Variants in CEP128 observed in about 807,000 individuals in gnomAD.
The protein encoded by CEP128 is centrosomal protein 128kDa.
In CEP128, 132 loss-of-function variants were observed where a neutral mutation model predicts 156.7. The observed-to-expected ratio is 0.84, with a 90% CI of 0.73 to 0.97. The LOEUF (loss-of-function observed/expected upper bound fraction) is 0.97, where lower values mean the gene tolerates loss of function less well. Among genes scored for constraint, CEP128 ranks in the 50% least tolerant of loss-of-function variants. The probability of loss-of-function intolerance (pLI) is 0.00; values close to 1 mark genes in which losing one functional copy is unlikely to be tolerated. For missense variants in CEP128, 1,252 were observed against 1,281.9 expected (o/e 0.98, Z 0.36); for synonymous variants, 469 against 448.9 (o/e 1.04, Z -0.57).
At chr14:80,816,269 T>A (rs561010618) in intron 13 of CEP128, among the ~76,000 whole-genome samples, 2 of 141,198 alleles carry the variant, frequency 1.4e-5, no homozygotes, top group Admixed American at 1.3e-4. Context: ...CACAGTTTCC[T>A]CTCACCCTTG....
At chr14:80,811,848 G>GATAGATA (rs1555350886) in intron 13 of CEP128, among the ~76,000 whole-genome samples, 2 of 18,814 alleles carry the variant, frequency 1.1e-4, no homozygotes, top group Non-Finnish European at 1.1e-4. Context: ...ATAGATAGAT[G>GATAGATA]ATAACAGTCC....
chr14:80,938,176 C>T (rs553518025), intron 2 of CEP128, among the ~76,000 whole-genome samples: 2 of 151,850 alleles, frequency 1.3e-5, no homozygotes, highest in African/African-American at 4.8e-5. Context: ...GGATTACAGG[C>T]ATGAGTCAAT....
At chr14:80,868,403 G>A (rs866480004) in intron 8 of CEP128, among the ~76,000 whole-genome samples, 2 of 152,092 alleles carry the variant, frequency 1.3e-5, no homozygotes, top group Non-Finnish European at 2.9e-5. Context: ...TGTAGACTCT[G>A]TATGCAGTCA....
intron 21 of CEP128, among the ~76,000 whole-genome samples, chr14:80,548,891 C>T (rs1890098354): frequency 6.6e-6 from 1 of 152,140 alleles, no homozygotes; most frequent in South Asian, 2.1e-4. Context: ...TTTGACAGGG[C>T]TGTAGAAAAC....
chr14:80,689,587 A>C (rs1168476517), intron 19 of CEP128, among the ~76,000 whole-genome samples: 1 of 152,230 alleles, frequency 6.6e-6, no homozygotes, highest in Non-Finnish European at 1.5e-5. Context: ...AATTGCTTGA[A>C]AATATGCTGA....
chr14:80,887,481 A>C (rs1054443517), intron 8 of CEP128, among the ~76,000 whole-genome samples: 1 of 152,200 alleles, frequency 6.6e-6, no homozygotes. Context: ...AATTCTCTCA[A>C]AACTGCACAA....
intron 19 of CEP128, among the ~76,000 whole-genome samples, chr14:80,643,048 C>T (rs1894489349): frequency 1.3e-5 from 2 of 152,248 alleles, no homozygotes; most frequent in Admixed American, 1.3e-4. Context: ...GCCACCGCGC[C>T]CGGCTGACCC....
chr14:80,902,764 A>C (rs1883651691), intron 6 of CEP128, among the ~76,000 whole-genome samples: 1 of 152,204 alleles, frequency 6.6e-6, no homozygotes, highest in Non-Finnish European at 1.5e-5. Context: ...TAATGGTAGA[A>C]AAATCAGTAG....
At chr14:80,695,056 G>T (rs1896844896) in intron 19 of CEP128, among the ~76,000 whole-genome samples, 1 of 151,982 alleles carries the variant, frequency 6.6e-6, no homozygotes, top group Admixed American at 6.6e-5. Context: ...GAATGAGAAG[G>T]AAAGAAAAGA....
chr14:80,695,121 A>G (rs1319494255), intron 19 of CEP128, among the ~76,000 whole-genome samples: 1 of 151,976 alleles, frequency 6.6e-6, no homozygotes, highest in East Asian at 1.9e-4. Flanking sequence ...AGAAAAAATA[A>G]ATTTTTTGCA....
At chr14:80,824,633 C>T (rs937966689) in intron 13 of CEP128, among the ~76,000 whole-genome samples, 2 of 152,218 alleles carry the variant, frequency 1.3e-5, no homozygotes, top group African/African-American at 4.8e-5. Flanking sequence ...GTCACCTTTG[C>T]TCCAGTTCCC....
chr14:80,916,033 G>C (rs1327542276), intron 3 of CEP128, among the ~76,000 whole-genome samples: 1 of 152,202 alleles, frequency 6.6e-6, no homozygotes, highest in African/African-American at 2.4e-5. Flanking sequence ...AGAGGAAAAG[G>C]GAGGCAGGAG....
intron 7 of CEP128, among the ~76,000 whole-genome samples, chr14:80,898,754 T>C (rs1317014666): frequency 6.6e-6 from 1 of 152,210 alleles, no homozygotes; most frequent in East Asian, 1.9e-4. Flanking sequence ...AACCTAAATA[T>C]TAAATTAACT....
chr14:80,900,981 C>T lies in CEP128; in HGVS notation c.481-952G>A, dbSNP rs369910607. Among the ~76,000 whole-genome samples the T allele has an allele frequency of 7.9e-5, 12 of 151,710 alleles. No homozygotes were observed. The East Asian group carries it at 9.7e-4, about 12-fold the overall frequency. On this transcript the variant is annotated intron_variant, in intron 6 of 24. Transcript: ENST00000555265. The stretch of plus-strand genomic sequence containing the variant: ...CAGCACTTTGGGAGGCCGAGGCGGG[C>T]GGATCACGAGGTCAGGAGATCGAGA...
At position 80,559,360 on chromosome 14, in the gene CEP128, G is replaced by C. The variant is rs951740921; in HGVS notation, c.2857-58C>G. The C allele has an allele frequency of 2.9e-6, 4 of 1,392,172 alleles. No individual in the cohort carries two copies. The African/African-American group carries it at 5.9e-5, about 21-fold the overall frequency. 86.2% of individuals were successfully genotyped at this position (1,392,172 alleles called of 1,614,324 possible). The stretch of plus-strand genomic sequence containing the variant: ...CGAAGGCTGTTTAAAATTGTTTCAA[G>C]TTTACTTAATTTACAAGTATTCTAT... On this transcript the variant is annotated intron_variant, in intron 20 of 24. Coordinates refer to ENST00000555265, the MANE Select transcript of CEP128 (RefSeq NM_152446.5).
rs569963576 is a variant in CEP128 at position 80,810,238 on chromosome 14, G to C, written c.1210-17128C>G. Among the ~76,000 whole-genome samples the C allele has an allele frequency of 2.1e-5, 3 of 146,084 alleles. No individual in the cohort carries two copies. The South Asian group carries it at 6.4e-4, about 31-fold the overall frequency. ...CTCGGGAGGCTGAGGCAAGAGAATG[G>C]CCTGAACCTGGGAGGCGGAGCTTGC... is the stretch of plus-strand genomic sequence containing the variant. On this transcript the variant is annotated intron_variant, in intron 13 of 24. Transcript: ENST00000555265.
chr14:80,674,131 C>G (rs1895970319), intron 19 of CEP128, among the ~76,000 whole-genome samples: 1 of 151,394 alleles, frequency 6.6e-6, no homozygotes, highest in Non-Finnish European at 1.5e-5. Context: ...TGGTAATCAG[C>G]AAAGTTTTAA....
rs938310268 is a variant in CEP128 at position 80,507,852 on chromosome 14, A to AG, written c.3073-2833_3073-2832insC. ...AGGCATGGTTTTAAATTTCTAAAAAAAAGTCAACTGGCATCAAAGCATTGG... is the reference window on the plus strand; with the variant it reads ...AGGCATGGTTTTAAATTTCTAAAAAAGAAGTCAACTGGCATCAAAGCATTGG... On this transcript the variant is annotated intron_variant, in intron 23 of 24. Coordinates refer to ENST00000555265, the MANE Select transcript of CEP128 (RefSeq NM_152446.5). Among the ~76,000 whole-genome samples, 9 of 152,372 alleles carry AG rather than the reference A, an allele frequency of 5.9e-5. No individual in the cohort carries two copies. In the East Asian group the frequency reaches 1.7e-3, roughly 29 times the overall value.
At chr14:80,915,154 G>A (rs1030366997) in intron 3 of CEP128, among the ~76,000 whole-genome samples, 2 of 151,866 alleles carry the variant, frequency 1.3e-5, no homozygotes, top group African/African-American at 4.8e-5. Flanking sequence ...TGGGCTCAAG[G>A]AATTCTACAC....
Sources: allele counts gnomAD v4.1 joint callset (sites outside exome capture counted in the v4.1 genomes callset), GRCh38; gene constraint gnomAD v4.1.1; transcripts MANE v1.5; gene names NCBI Gene and HGNC (gene_info 2026-07-23, HGNC 2026-07-21).